The following TENM2 variants were observed in gnomAD, a reference collection of about 807,000 sequenced individuals.
TENM2 encodes the protein teneurin-2.
In TENM2, 52 loss-of-function variants were observed where a neutral mutation model predicts 245.2. That is an observed-to-expected ratio of 0.21 (90% confidence interval 0.17 to 0.27). TENM2 has a LOEUF of 0.27. Among genes scored for constraint, TENM2 ranks in the 10% least tolerant of loss-of-function variants. The pLI, the probability that TENM2 is intolerant of heterozygous loss-of-function variation, is 1.00. For synonymous variants in TENM2, 1,363 were observed against 1,438.9 expected (o/e 0.95, Z 1.19); for missense variants, 3,046 against 3,666.8 (o/e 0.83, Z 4.37).
chr5:167,170,522 A>G, the TENM2 span, among the ~76,000 whole-genome samples: 7 of 152,216 alleles, frequency 4.6e-5, no homozygotes, highest in Admixed American at 2.6e-4. Flanking sequence ...CCAAATTTGC[A>G]TGGCATGTCA....
At chr5:167,521,611 G>A (rs1770761222) in intron 2 of TENM2, among the ~76,000 whole-genome samples, 1 of 152,142 alleles carries the variant, frequency 6.6e-6, no homozygotes, top group Non-Finnish European at 1.5e-5. Context: ...ACTGGTTACA[G>A]AAATCCTTAT....
At chr5:167,473,139 A>C (rs1767142256) in intron 2 of TENM2, among the ~76,000 whole-genome samples, 1 of 152,194 alleles carries the variant, frequency 6.6e-6, no homozygotes, top group Non-Finnish European at 1.5e-5. Flanking sequence ...AAAGACTTTG[A>C]TATTTTTATG....
chr5:167,218,834 T>C, the TENM2 span, among the ~76,000 whole-genome samples: 1 of 152,222 alleles, frequency 6.6e-6, no homozygotes, highest in Non-Finnish European at 1.5e-5. Context: ...TTGATGTATA[T>C]GAACTTCTTC....
the TENM2 span, among the ~76,000 whole-genome samples, chr5:167,071,994 T>G: frequency 6.7e-6 from 1 of 150,366 alleles, no homozygotes; most frequent in Non-Finnish European, 1.5e-5. Flanking sequence ...TCAGAGTGGT[T>G]GGGAAGATGC....
At chr5:167,035,186 G>T in the TENM2 span, among the ~76,000 whole-genome samples, 1 of 151,832 alleles carries the variant, frequency 6.6e-6, no homozygotes, top group Non-Finnish European at 1.5e-5. Context: ...TTTAATTGCA[G>T]CATATTTCAT....
At chr5:167,321,801 TGGG>T (rs1343498230) in intron 1 of TENM2, among the ~76,000 whole-genome samples, 1 of 7,278 alleles carries the variant, frequency 1.4e-4, no homozygotes. Flanking sequence ...TTTTTTTTTT[TGGG>T]GGGGGGGGCG....
At chr5:167,833,732 T>C (rs2151106325) in intron 2 of TENM2, among the ~76,000 whole-genome samples, 1 of 152,368 alleles carries the variant, frequency 6.6e-6, no homozygotes, top group Non-Finnish European at 1.5e-5. Context: ...GAAAAAAATG[T>C]TGACGCTTCC....
At chr5:168,189,806 C>T in intron 13 of TENM2, among the ~76,000 whole-genome samples, 1 of 152,094 alleles carries the variant, frequency 6.6e-6, no homozygotes, top group East Asian at 1.9e-4. Context: ...CAGGGTCTCA[C>T]TATGTTGCCC....
At chr5:167,640,904 T>TATATATATATATA (rs1561629289) in intron 2 of TENM2, among the ~76,000 whole-genome samples, 2 of 113,470 alleles carry the variant, frequency 1.8e-5, no homozygotes, top group African/African-American at 6.4e-5. Context: ...TATATATATA[T>TATATATATATATA]ATCTTTCTCT....
At chr5:167,575,350 T>A (rs1774573815) in intron 2 of TENM2, among the ~76,000 whole-genome samples, 1 of 152,150 alleles carries the variant, frequency 6.6e-6, no homozygotes, top group Non-Finnish European at 1.5e-5. Context: ...CTGTACTAGG[T>A]TTGGTCCTAG....
At chr5:167,863,147 A>G (rs1031117861) in intron 2 of TENM2, among the ~76,000 whole-genome samples, 4 of 152,218 alleles carry the variant, frequency 2.6e-5, no homozygotes, top group African/African-American at 9.6e-5. Context: ...AGGGAGAATA[A>G]TAGTAACTGC....
At chr5:167,666,264 A>G (rs921576917) in intron 2 of TENM2, among the ~76,000 whole-genome samples, 1 of 152,204 alleles carries the variant, frequency 6.6e-6, no homozygotes, top group Admixed American at 6.5e-5. Flanking sequence ...TGAAACTTCT[A>G]AGAAATGGTG....
At chr5:167,839,807 C>G (rs1769325390) in intron 2 of TENM2, among the ~76,000 whole-genome samples, 1 of 152,064 alleles carries the variant, frequency 6.6e-6, no homozygotes, top group Admixed American at 6.5e-5. Flanking sequence ...AATTACCTAT[C>G]TAATTCACAA....
intron 13 of TENM2, among the ~76,000 whole-genome samples, chr5:168,183,121 C>T (rs1422509776): frequency 6.6e-6 from 1 of 152,096 alleles, no homozygotes; most frequent in Non-Finnish European, 1.5e-5. Context: ...TGAGCCACCG[C>T]CCCCGGCCCA....
At chr5:168,007,811 T>A (rs1784938739) in intron 5 of TENM2, among the ~76,000 whole-genome samples, 1 of 152,204 alleles carries the variant, frequency 6.6e-6, no homozygotes, top group Admixed American at 6.5e-5. Context: ...ACCCTGAATT[T>A]AGTTTAGAAG....
intron 13 of TENM2, among the ~76,000 whole-genome samples, chr5:168,174,614 G>A (rs749205878): frequency 1.3e-5 from 2 of 152,188 alleles, no homozygotes; most frequent in Non-Finnish European, 2.9e-5. Context: ...GTTGCGTTGA[G>A]AACCACTGAC....
chr5:167,612,551 T>C (rs1211696104), intron 2 of TENM2, among the ~76,000 whole-genome samples: 1 of 152,176 alleles, frequency 6.6e-6, no homozygotes, highest in African/African-American at 2.4e-5. Context: ...GAAACACTGC[T>C]GCATTTAAAA....
At chr5:168,224,599 G>A (rs969967673) in intron 23 of TENM2, among the ~76,000 whole-genome samples, 5 of 152,022 alleles carry the variant, frequency 3.3e-5, no homozygotes, top group Non-Finnish European at 7.4e-5. Flanking sequence ...CCTTTCCACC[G>A]CTCACAGGCC....
intron 2 of TENM2, among the ~76,000 whole-genome samples, chr5:167,432,648 T>C (rs1453564357): frequency 2.0e-5 from 3 of 150,170 alleles, no homozygotes; most frequent in Admixed American, 2.0e-4. Context: ...TCTGCTGGAG[T>C]TGATTTCCAA....
Sources: allele counts gnomAD v4.1 joint callset (sites outside exome capture counted in the v4.1 genomes callset), GRCh38; gene constraint gnomAD v4.1.1; transcripts MANE v1.5; gene names NCBI Gene and HGNC (gene_info 2026-07-23, HGNC 2026-07-21).